Variants in TXNRD1 observed in about 807,000 individuals in gnomAD.
TXNRD1 encodes the protein thioredoxin reductase 1.
Under a neutral mutation model 80.3 loss-of-function variants are expected in TXNRD1, and 57 were observed. That is an observed-to-expected ratio of 0.71 (90% CI 0.57 to 0.89). The LOEUF is 0.89. Ranked by LOEUF, TXNRD1 falls within the 40% of genes least tolerant of loss-of-function variation. The probability of loss-of-function intolerance (pLI) is 0.00; values close to 1 mark genes in which losing one functional copy is unlikely to be tolerated. For synonymous variants in TXNRD1, 291 were observed against 285.2 expected (o/e 1.02, Z -0.20); for missense variants, 730 against 803.0 (o/e 0.91, Z 1.10).
chr12:104,333,313 A>G (rs1173492712), intron 14 of TXNRD1, among the ~76,000 whole-genome samples: 2 of 152,022 alleles, frequency 1.3e-5, no homozygotes, highest in East Asian at 3.8e-4. Context: ...GATAGACAAT[A>G]TTTAAGTTTT....
intron 2 of TXNRD1, among the ~76,000 whole-genome samples, chr12:104,253,973 G>A (rs985670093): frequency 5.3e-5 from 8 of 152,182 alleles, no homozygotes; most frequent in East Asian, 1.9e-4. Flanking sequence ...GATTATAGGC[G>A]TGAGCCACTG....
intron 1 of TXNRD1, among the ~76,000 whole-genome samples, chr12:104,246,406 C>A (rs149267768): frequency 6.6e-6 from 1 of 150,574 alleles, no homozygotes; most frequent in Non-Finnish European, 1.5e-5. Context: ...CCAGCCTGGG[C>A]GACAGTGCGA....
At chr12:104,337,944 G>GCCCAGCTAAT (rs2036192939) in intron 15 of TXNRD1, among the ~76,000 whole-genome samples, 1 of 143,624 alleles carries the variant, frequency 7.0e-6, no homozygotes, top group African/African-American at 2.6e-5. Context: ...GAGCCACTGT[G>GCCCAGCTAAT]CCCAGCTAAT....
chr12:104,298,639 A>T (rs553670593), intron 4 of TXNRD1, among the ~76,000 whole-genome samples: 68 of 152,180 alleles, frequency 4.5e-4, no homozygotes, highest in African/African-American at 1.4e-3. Flanking sequence ...CAGGAGAATC[A>T]CTTGAACCCG....
intron 4 of TXNRD1, chr12:104,304,221 C>T (rs1565889260): frequency 6.2e-7 from 1 of 1,614,052 alleles, no homozygotes; most frequent in Non-Finnish European, 8.5e-7. Flanking sequence ...CTTGTTATGG[C>T]TTCTGATTTG....
At chr12:104,225,416 C>A (rs2032450585) in intron 1 of TXNRD1, among the ~76,000 whole-genome samples, 2 of 152,136 alleles carry the variant, frequency 1.3e-5, no homozygotes. Context: ...TCTAATGAAA[C>A]CTTGGTGATA....
chr12:104,346,161 T>A (rs1565918954), intron 16 of TXNRD1: 1 of 389,206 alleles, frequency 2.6e-6, no homozygotes. Flanking sequence ...CACAGGTACA[T>A]GCCACTGTTT....
chr12:104,227,508 C>A (rs2032499141), intron 1 of TXNRD1, among the ~76,000 whole-genome samples: 1 of 152,174 alleles, frequency 6.6e-6, no homozygotes, highest in Admixed American at 6.5e-5. Flanking sequence ...ATCAAGCCAT[C>A]CTCCCTCCTG....
chr12:104,259,108 G>T (rs2033310689), intron 3 of TXNRD1, among the ~76,000 whole-genome samples: 1 of 152,164 alleles, frequency 6.6e-6, no homozygotes, highest in African/African-American at 2.4e-5. Context: ...GCCTGGCATG[G>T]TGGCTCGCTT....
chr12:104,229,110 C>T (rs1372089917), intron 1 of TXNRD1, among the ~76,000 whole-genome samples: 1 of 150,438 alleles, frequency 6.6e-6, no homozygotes, highest in Non-Finnish European at 1.5e-5. Context: ...TACTTTCTGT[C>T]TCTATAGATT....
At chr12:104,277,802 A>G (rs919694505) in intron 3 of TXNRD1, among the ~76,000 whole-genome samples, 1 of 151,916 alleles carries the variant, frequency 6.6e-6, no homozygotes, top group African/African-American at 2.4e-5. Context: ...AAGACAAACA[A>G]TGGATTTGGA....
At chr12:104,239,879 T>G (rs528479690) in intron 1 of TXNRD1, among the ~76,000 whole-genome samples, 131 of 152,228 alleles carry the variant, frequency 8.6e-4, no homozygotes, top group Non-Finnish European at 1.5e-3. Context: ...ATTGAATTTT[T>G]TATACTGTTA....
Position 104,215,893 on chromosome 12 carries a change from G to A in TXNRD1, c.91G>A (p.Ala31Thr). The change falls in exon 1 of 17, where the codon GCT becomes ACT. Residue 31 changes from alanine (A) to threonine (T), a missense_variant and splice_region_variant. Ala to Thr is a moderately conservative substitution (Grantham distance 58, BLOSUM62 0). Coordinates refer to ENST00000525566, the MANE Select transcript of TXNRD1 (RefSeq NM_001093771.3). Reference sequence around the variant, plus strand: ...GAACGGCGATGGCCGCCGTAGGTCAGGTACGACCGAGGGCGAAGGCCTGGT... The same window carrying A: ...GAACGGCGATGGCCGCCGTAGGTCAAGTACGACCGAGGGCGAAGGCCTGGT... The part of the protein sequence containing the change: ...GKNGDGRRRS[A>T]KDHHPGKTLP... 1 of 1,553,524 alleles carries A rather than the reference G, an allele frequency of 6.4e-7. No individual in the cohort carries two copies. The highest frequency in any genetic ancestry group is 8.7e-7 in the Non-Finnish European group (1 of 1,148,514).
At chr12:104,333,539 TATTA>T (rs1423646049) in intron 14 of TXNRD1, among the ~76,000 whole-genome samples, 1 of 152,180 alleles carries the variant, frequency 6.6e-6, no homozygotes, top group Non-Finnish European at 1.5e-5. Context: ...TTTAAAATTA[TATTA>T]TTTATCACAA....
chr12:104,327,151 C>T (rs2035794340), intron 12 of TXNRD1, among the ~76,000 whole-genome samples: 1 of 152,196 alleles, frequency 6.6e-6, no homozygotes, highest in African/African-American at 2.4e-5. Context: ...AGCTCTTCAA[C>T]TATGAAGAAA....
At chr12:104,287,346 G>C (rs748205032) in intron 3 of TXNRD1, 7 of 1,613,904 alleles carry the variant, frequency 4.3e-6, no homozygotes, top group Non-Finnish European at 5.9e-6. Context: ...CATGTCATGT[G>C]GTAGGTGAGG....
intron 4 of TXNRD1, among the ~76,000 whole-genome samples, chr12:104,308,759 CTG>C (rs2035022940): frequency 6.6e-6 from 1 of 152,180 alleles, no homozygotes; most frequent in Admixed American, 6.5e-5. Context: ...TATCCCATCT[CTG>C]TGCTACCTTC....
chr12:104,317,759 C>T (rs1031732529), intron 7 of TXNRD1, among the ~76,000 whole-genome samples: 1 of 152,162 alleles, frequency 6.6e-6, no homozygotes. Context: ...TAATTTGAGC[C>T]CAGGAGTTCA....
chr12:104,267,281 TTCC>T (rs373846243), intron 3 of TXNRD1, among the ~76,000 whole-genome samples: 466 of 147,414 alleles, frequency 3.2e-3, no homozygotes, highest in Middle Eastern at 0.01. Flanking sequence ...CTTTCTTTCT[TTCC>T]TCTTTCTGTC....
Sources: allele counts gnomAD v4.1 joint callset (sites outside exome capture counted in the v4.1 genomes callset), GRCh38; gene constraint gnomAD v4.1.1; transcripts MANE v1.5; gene names NCBI Gene and HGNC (gene_info 2026-07-23, HGNC 2026-07-21).